The following TRIM37 variants were observed in gnomAD, a reference collection of about 807,000 sequenced individuals.
TRIM37 encodes tripartite motif containing 37.
In TRIM37, 80 loss-of-function variants were observed where a neutral mutation model predicts 129.8. That is an observed-to-expected ratio of 0.62 (90% CI 0.51 to 0.74). TRIM37 has a LOEUF of 0.74. TRIM37 is among the 30% of genes least tolerant of loss of function. The pLI is 0.00. For missense variants in TRIM37, 1,054 were observed against 1,176.5 expected (o/e 0.90, Z 1.52); for synonymous variants, 389 against 387.1 (o/e 1.00, Z -0.06).
At chr17:58,995,369 A>G (rs1409375611), downstream of TRIM37, among the ~76,000 whole-genome samples, 1 of 151,874 alleles carries the variant, frequency 6.6e-6, no homozygotes, top group Non-Finnish European at 1.5e-5. Context: ...TGGCTGGGGT[A>G]GGCATCTTGT....
chr17:59,003,809 G>A (rs2144607199), intron 22 of TRIM37, among the ~76,000 whole-genome samples: 1 of 151,830 alleles, frequency 6.6e-6, no homozygotes. Flanking sequence ...TCATCAGCCA[G>A]GCCTGGTGGC....
intron 17 of TRIM37, among the ~76,000 whole-genome samples, chr17:59,040,150 C>T (rs1342219546): frequency 6.6e-6 from 1 of 152,034 alleles, no homozygotes; most frequent in African/African-American, 2.4e-5. Flanking sequence ...AAGCGATGCA[C>T]CCACATCAGC....
intron 23 of TRIM37, among the ~76,000 whole-genome samples, chr17:59,000,799 GA>G (rs552682855): frequency 6.6e-6 from 1 of 151,534 alleles, no homozygotes; most frequent in African/African-American, 2.4e-5. Flanking sequence ...GCTAGAAAAG[GA>G]AAAAAAACCC....
intron 13 of TRIM37, among the ~76,000 whole-genome samples, chr17:59,052,910 G>A (rs760961225): frequency 6.6e-6 from 1 of 151,968 alleles, no homozygotes. Context: ...AGCCGAGATC[G>A]CACCACTGCA....
intron 17 of TRIM37, among the ~76,000 whole-genome samples, chr17:59,035,738 T>C (rs2038393520): frequency 6.6e-6 from 1 of 150,870 alleles, no homozygotes; most frequent in East Asian, 2.0e-4. Context: ...CAGAGCGAGA[T>C]TCAAAAAAAC....
At chr17:59,085,589 G>T (rs1468132672) in intron 4 of TRIM37, among the ~76,000 whole-genome samples, 2 of 152,150 alleles carry the variant, frequency 1.3e-5, no homozygotes, top group Admixed American at 1.3e-4. Flanking sequence ...TGCACTACTG[G>T]TGGGACTGTA....
intron 11 of TRIM37, 43 bp downstream of exon 11, chr17:59,062,524 A>G: frequency 6.6e-7 from 1 of 1,511,802 alleles, no homozygotes; most frequent in Non-Finnish European, 9.2e-7. Flanking sequence ...CTCTGAAAGA[A>G]AGACCTTGGT....
At chr17:59,074,323 C>G (rs917360836) in intron 8 of TRIM37, among the ~76,000 whole-genome samples, 16 of 152,116 alleles carry the variant, frequency 1.1e-4, no homozygotes, top group Admixed American at 9.2e-4. Context: ...AATACTATGC[C>G]ATTTTATATA....
downstream of TRIM37, among the ~76,000 whole-genome samples, chr17:58,977,866 T>C (rs948294984): frequency 5.3e-5 from 8 of 152,194 alleles, no homozygotes; most frequent in African/African-American, 1.9e-4. Context: ...CCTCAGCCTC[T>C]TGAGTAGCTG....
rs181744160 is a variant in TRIM37 at position 59,002,278 on chromosome 17, A to T, written c.2696-564T>A. Among the ~76,000 whole-genome samples, 112 of 152,128 alleles carry T rather than the reference A, an allele frequency of 7.4e-4. 1 individual carries two copies. The highest frequency in any genetic ancestry group is 2.7e-3 in the African/African-American group (110 of 41,502). On this transcript the variant is annotated intron_variant, in intron 22 of 23. Transcript: ENST00000262294. ...AGACAGGGTCTCGCTCTGTCACCCT[A>T]GGCTGGGCTGCAGTGGCCTGATCAT...
chr17:59,079,884 G>A lies in TRIM37; in HGVS notation c.493-7C>T. On this transcript the variant is annotated splice_region_variant and splice_polypyrimidine_tract_variant and intron_variant, in intron 6 of 23. Transcript: ENST00000262294. ...CAGCTTCTACATTCCTTTCCTAGAA[G>A]ATAAAGAGGTAAGAATAATTTTAAT... 2 of 1,613,490 alleles carry A rather than the reference G, an allele frequency of 1.2e-6. No homozygotes were observed. Among genetic ancestry groups the A allele is most frequent in the Non-Finnish European group, 1.7e-6 (2 of 1,179,656 alleles).
chr17:59,022,678 A>C (rs150628700), intron 19 of TRIM37, among the ~76,000 whole-genome samples: 8 of 152,314 alleles, frequency 5.3e-5, no homozygotes, highest in Admixed American at 4.6e-4. Context: ...AATGTCTGGC[A>C]CACAGTTAAC....
intron 24 of TRIM37, chr17:58,985,046 G>A (rs1019388699): frequency 6.6e-6 from 1 of 152,516 alleles, no homozygotes; most frequent in South Asian, 2.1e-4. Context: ...TTACAAATCT[G>A]CTCTACATCT....
Position 59,104,351 on chromosome 17 carries a change from A to C in TRIM37, c.65T>G (p.Leu22Trp). The C allele has an allele frequency of 6.2e-7, 1 of 1,614,238 alleles. No homozygotes were observed. The highest frequency in any genetic ancestry group is 8.5e-7 in the Non-Finnish European group (1 of 1,180,042). The change falls in exon 2 of 24, where the codon TTG (leucine) becomes TGG (tryptophan). Residue 22 changes from leucine to tryptophan, a missense_variant. Coordinates refer to ENST00000262294, the MANE Select transcript of TRIM37 (RefSeq NM_015294.6). The stretch of plus-strand genomic sequence containing the variant: ...ATGAGGACACAGGCGTGCATCCCGC[A>C]ATTTCTCCATACAAATGAAACATCG... ...VFRCFICMEK[L>W]RDARLCPHCS...
At chr17:59,052,561 G>A (rs973916916) in intron 13 of TRIM37, among the ~76,000 whole-genome samples, 1 of 152,058 alleles carries the variant, frequency 6.6e-6, no homozygotes, top group Non-Finnish European at 1.5e-5. Flanking sequence ...TAAAACAACA[G>A]TCCTATTTAA....
intron 13 of TRIM37, among the ~76,000 whole-genome samples, chr17:59,051,840 C>T (rs1431066719): frequency 6.6e-6 from 1 of 151,936 alleles, no homozygotes; most frequent in Non-Finnish European, 1.5e-5. Context: ...ACGCCATTCT[C>T]CTGCCTCAGC....
At chr17:59,027,841 T>C (rs2037407135) in intron 19 of TRIM37, among the ~76,000 whole-genome samples, 1 of 152,192 alleles carries the variant, frequency 6.6e-6, no homozygotes, top group South Asian at 2.1e-4. Context: ...CTCCTCTCTC[T>C]GCTTTCTTTG....
At chr17:59,029,122 A>G (rs1365591125) in intron 18 of TRIM37, among the ~76,000 whole-genome samples, 2 of 152,208 alleles carry the variant, frequency 1.3e-5, no homozygotes, top group African/African-American at 4.8e-5. Context: ...CATATATAAC[A>G]TTATATTAAA....
chr17:59,096,756 G>C (rs1416041836), intron 2 of TRIM37, among the ~76,000 whole-genome samples: 1 of 151,890 alleles, frequency 6.6e-6, no homozygotes, highest in Non-Finnish European at 1.5e-5. Context: ...AATATAATCA[G>C]AGATATCATT....
Sources: allele counts gnomAD v4.1 joint callset (sites outside exome capture counted in the v4.1 genomes callset), GRCh38; gene constraint gnomAD v4.1.1; transcripts MANE v1.5; gene names NCBI Gene and HGNC (gene_info 2026-07-23, HGNC 2026-07-21).